Variants in TANC1 observed in about 807,000 individuals in gnomAD.
TANC1 encodes the protein tetratricopeptide repeat, ankyrin repeat and coiled-coil containing 1, also known as protein TANC1.
A neutral mutation model predicts 149.7 loss-of-function variants in TANC1; 77 were observed. The observed-to-expected ratio is 0.51, with a 90% CI of 0.43 to 0.62. The LOEUF (loss-of-function observed/expected upper bound fraction) is 0.62, where lower values mean the gene tolerates loss of function less well. Among genes scored for constraint, TANC1 ranks in the 20% least tolerant of loss-of-function variants. TANC1 has a pLI of 0.00. For synonymous variants in TANC1, 854 were observed against 925.0 expected, an observed-to-expected ratio of 0.92 and a Z score of 1.39; for missense variants, 1,985 against 2,321.8, an observed-to-expected ratio of 0.85 and a Z score of 2.98.
intron 2 of TANC1, among the ~76,000 whole-genome samples, chr2:159,003,531 T>G (rs1174331852): frequency 6.6e-6 from 1 of 152,010 alleles, no homozygotes; most frequent in Non-Finnish European, 1.5e-5. Context: ...GAGGTTAAAT[T>G]GCCTGCCCGA....
intron 2 of TANC1, among the ~76,000 whole-genome samples, chr2:159,051,913 A>G (rs1440457364): frequency 6.6e-6 from 1 of 152,206 alleles, no homozygotes; most frequent in East Asian, 1.9e-4. Flanking sequence ...CCCAGGATCC[A>G]TGAGAAATTG....
chr2:159,136,388 T>C, intron 5 of TANC1, 90 bp downstream of exon 5: 2 of 791,294 alleles, frequency 2.5e-6, no homozygotes, highest in Non-Finnish European at 4.4e-6. Flanking sequence ...GTCCTTGCAG[T>C]ACTGCTTTGC....
intron 2 of TANC1, among the ~76,000 whole-genome samples, chr2:159,038,756 T>C (rs1398384736): frequency 1.3e-5 from 2 of 152,232 alleles, no homozygotes; most frequent in Admixed American, 6.5e-5. Flanking sequence ...AGTTTGCCAG[T>C]ATTTCATTGA....
At chr2:159,167,770 T>G (rs184310578) in intron 8 of TANC1, among the ~76,000 whole-genome samples, 1,528 of 152,226 alleles carry the variant, frequency 0.01, 14 homozygotes, top group Non-Finnish European at 0.017. Flanking sequence ...CCCAGGTGGC[T>G]GTTGAATGAA....
intron 2 of TANC1, among the ~76,000 whole-genome samples, chr2:159,055,429 C>T (rs1359620524): frequency 6.6e-6 from 1 of 152,212 alleles, no homozygotes; most frequent in Non-Finnish European, 1.5e-5. Context: ...GATCACCTCC[C>T]TATTCCCCCT....
intron 2 of TANC1, among the ~76,000 whole-genome samples, chr2:159,011,506 G>C (rs1187374541): frequency 6.6e-6 from 1 of 150,984 alleles, no homozygotes; most frequent in Non-Finnish European, 1.5e-5. Context: ...GAAAACATGT[G>C]GAATTCAAAT....
Position 159,224,322 on chromosome 2 carries a change from A to C in TANC1, c.3769A>C (p.Thr1257Pro), listed in dbSNP as rs370708502. Residue 1257 changes from threonine (T) to proline (P), a missense_variant, in exon 23 of 27, where the codon ACA (threonine) becomes CCA (proline). Transcript: ENST00000263635. ...GGACAGAGCCATCGGCTGCCGGAAC[A>C]CATCTGTAGTGGTGGCGCTACTCAG... ...PLDRAIGCRN[T>P]SVVVALLRKG... 5 of 1,614,062 alleles carry C rather than the reference A, an allele frequency of 3.1e-6. No individual in the cohort carries two copies. The highest frequency in any genetic ancestry group is 2.2e-5 in the East Asian group (1 of 44,892).
At position 159,149,189 on chromosome 2, in the gene TANC1, C is replaced by T. The variant is rs1393281832; in HGVS notation, c.412C>T (p.Leu138=). Residue 138 remains leucine (L), a synonymous_variant, in exon 6 of 27, where the codon CTG becomes TTG. Transcript: ENST00000263635. The stretch of plus-strand genomic sequence containing the variant: ...GAGCTGTTCGCCGGCAGCTCAAGAA[C>T]TGTTGACAAGGCTGGGATTTTTACT... ...EPSCSPAAQE[L]LTRLGFLLGE... is the part of the protein sequence containing the mutation. 1 of 1,613,374 alleles carries T rather than the reference C, an allele frequency of 6.2e-7. No individual in the cohort carries two copies. The highest frequency in any genetic ancestry group is 2.2e-5 in the East Asian group (1 of 44,864).
chr2:159,004,231 C>T, intron 2 of TANC1: 3 of 1,612,302 alleles, frequency 1.9e-6, no homozygotes, highest in Non-Finnish European at 2.5e-6. Flanking sequence ...GACAGTAAAG[C>T]ACCAAAACCA....
chr2:159,033,320 A>G (rs1387606683), intron 2 of TANC1, among the ~76,000 whole-genome samples: 1 of 152,210 alleles, frequency 6.6e-6, no homozygotes, highest in Non-Finnish European at 1.5e-5. Flanking sequence ...GAAGTGGCAG[A>G]GGTTAGGGAC....
chr2:159,216,727 A>G (rs2059374385), intron 19 of TANC1, among the ~76,000 whole-genome samples: 1 of 152,114 alleles, frequency 6.6e-6, no homozygotes, highest in Non-Finnish European at 1.5e-5. Flanking sequence ...TGGGCAGCTC[A>G]CTGCCTCTGG....
intron 4 of TANC1, among the ~76,000 whole-genome samples, chr2:159,117,657 A>G (rs2048407919): frequency 6.7e-6 from 1 of 149,322 alleles, no homozygotes; most frequent in South Asian, 2.1e-4. Flanking sequence ...CGGCCTCCCA[A>G]AGTGCTGGGA....
intron 1 of TANC1, among the ~76,000 whole-genome samples, chr2:158,973,299 C>G (rs539860420): frequency 1.4e-3 from 214 of 152,296 alleles, no homozygotes; most frequent in Non-Finnish European, 2.5e-3. Context: ...CCCACCTCAG[C>G]ACACCTAGGG....
At chr2:159,098,028 A>G (rs1489127582) in intron 4 of TANC1, among the ~76,000 whole-genome samples, 194 bp downstream of exon 4, 1 of 151,284 alleles carries the variant, frequency 6.6e-6, no homozygotes, top group Non-Finnish European at 1.5e-5. Flanking sequence ...TCCTGTTTGG[A>G]CTACCAGGCT....
At chr2:159,078,861 A>G (rs886117658) in intron 3 of TANC1, among the ~76,000 whole-genome samples, 2 of 152,240 alleles carry the variant, frequency 1.3e-5, no homozygotes, top group African/African-American at 2.4e-5. Flanking sequence ...TTTCTTGCCT[A>G]CAAAATGAAG....
intron 18 of TANC1, among the ~76,000 whole-genome samples, chr2:159,197,296 G>A: frequency 6.6e-6 from 1 of 152,140 alleles, no homozygotes. Flanking sequence ...GTTAAATAGA[G>A]CATTTATTTC....
At chr2:159,227,995 T>G in intron 25 of TANC1, 30 bp downstream of exon 25, 1 of 1,600,764 alleles carries the variant, frequency 6.2e-7, no homozygotes, top group South Asian at 1.1e-5. Flanking sequence ...TCCAACCCAG[T>G]CTTCCAGCAA....
intron 16 of TANC1, 78 bp from the exon 17 acceptor site, chr2:159,194,179 A>T (rs1198254437): frequency 2.6e-6 from 3 of 1,160,602 alleles, no homozygotes; most frequent in Middle Eastern, 2.3e-4. Flanking sequence ...GATACCGAAA[A>T]TTGAGGATAC....
At chr2:159,021,269 C>G (rs2038812055) in intron 2 of TANC1, among the ~76,000 whole-genome samples, 1 of 152,036 alleles carries the variant, frequency 6.6e-6, no homozygotes, top group Non-Finnish European at 1.5e-5. Context: ...ACATTCATCT[C>G]CTTGACTTTT....
Sources: allele counts gnomAD v4.1 joint callset (sites outside exome capture counted in the v4.1 genomes callset), GRCh38; gene constraint gnomAD v4.1.1; transcripts MANE v1.5; gene names NCBI Gene and HGNC (gene_info 2026-07-23, HGNC 2026-07-21).